TXLNB: variants seen among roughly 807,000 people sequenced by gnomAD.
TXLNB encodes beta-taxilin.
A neutral mutation model predicts 57.4 loss-of-function variants in TXLNB; 37 were observed. The ratio of observed to expected loss-of-function variants is 0.64; its 90% CI spans 0.50 to 0.85. The LOEUF (loss-of-function observed/expected upper bound fraction) is 0.85, where lower values mean the gene tolerates loss of function less well. TXLNB is among the 40% of genes least tolerant of loss of function. TXLNB has a pLI of 0.00. For missense variants in TXLNB, 848 were observed against 825.6 expected (o/e 1.03, Z -0.33); for synonymous variants, 302 against 309.6 (o/e 0.98, Z 0.26).
the TXLNB span, among the ~76,000 whole-genome samples, chr6:139,310,458 T>C: frequency 1.3e-5 from 2 of 152,218 alleles, no homozygotes; most frequent in East Asian, 3.8e-4. Flanking sequence ...CTATCTATCC[T>C]ACATACAAAT....
intron 1 of TXLNB, among the ~76,000 whole-genome samples, chr6:139,291,534 T>A (rs902328831): frequency 2.0e-5 from 3 of 152,138 alleles, no homozygotes; most frequent in African/African-American, 4.8e-5. Context: ...AACAGAACAG[T>A]CATTATAAAG....
Position 139,243,316 on chromosome 6 carries a change from T to C in TXLNB, c.1267-2A>G, listed in dbSNP as rs1447421379. The C allele has an allele frequency of 2.5e-5, 40 of 1,604,264 alleles. No homozygotes were observed. The highest frequency in any genetic ancestry group is 3.3e-5 in the Non-Finnish European group (39 of 1,177,794). ...ATATTCTTTAGCTCTCAGTGCTTTCTGTGATGTGAAAACACACGCACATAC... is the reference window on the plus strand; with the variant it reads ...ATATTCTTTAGCTCTCAGTGCTTTCCGTGATGTGAAAACACACGCACATAC... On this transcript the variant is annotated splice_acceptor_variant, in intron 9 of 9. Transcript: ENST00000358430. LOFTEE classifies it high-confidence loss of function.
Position 139,255,642 on chromosome 6 carries a change from T to G in TXLNB, c.1003-4A>C, listed in dbSNP as rs143946779. 112 of 1,611,778 alleles carry G rather than the reference T, an allele frequency of 6.9e-5. 1 individual carries two copies. The East Asian group carries it at 2.2e-3, about 32-fold the overall frequency. On this transcript the variant is annotated splice_region_variant and splice_polypyrimidine_tract_variant and intron_variant, in intron 6 of 9. Transcript: ENST00000358430. ...ACTCTGCTGCCTGGTTCAGCAACTA[T>G]GAGAAGAGAGAGTGTGTGGAAAGAT...
chr6:139,298,273 A>C, the TXLNB span, among the ~76,000 whole-genome samples: 4 of 152,224 alleles, frequency 2.6e-5, no homozygotes, highest in Non-Finnish European at 2.9e-5. Context: ...AAGTAGCCTT[A>C]TTACTCTTAC....
At chr6:139,246,914 CAA>C (rs368500125) in intron 8 of TXLNB, among the ~76,000 whole-genome samples, 9 of 111,598 alleles carry the variant, frequency 8.1e-5, no homozygotes, top group Non-Finnish European at 9.7e-5. Flanking sequence ...AATTCCATCT[CAA>C]AAAAAAAAAA....
chr6:139,316,497 T>C, the TXLNB span, among the ~76,000 whole-genome samples: 1 of 152,156 alleles, frequency 6.6e-6, no homozygotes, highest in Non-Finnish European at 1.5e-5. Flanking sequence ...CCCTATTTCT[T>C]AGCTATAAAT....
chr6:139,243,492 C>CTTTTTTTTT (rs1161954954), intron 9 of TXLNB, among the ~76,000 whole-genome samples, 178 bp from the exon 10 acceptor site: 2 of 128,098 alleles, frequency 1.6e-5, no homozygotes, highest in South Asian at 2.5e-4. Context: ...CATCACTTTC[C>CTTTTTTTTT]TTTTTTTTTT....
downstream of TXLNB, chr6:139,239,261 G>C (rs1775871821): frequency 6.6e-6 from 1 of 152,242 alleles, no homozygotes; most frequent in South Asian, 2.1e-4. This position sits in a 1 kb window ranked among gnomAD's most constrained non-coding sequence, Gnocchi z 4.7. Flanking sequence ...AGGAGGGCTG[G>C]AGAGAGGAAA....
chr6:139,221,138 G>T, the TXLNB span, among the ~76,000 whole-genome samples: 6 of 152,186 alleles, frequency 3.9e-5, no homozygotes, highest in Non-Finnish European at 8.8e-5. Flanking sequence ...TTTTCCCCTT[G>T]AACGCTCTTG....
chr6:139,185,747 G>A, the TXLNB span, among the ~76,000 whole-genome samples: 8 of 152,250 alleles, frequency 5.3e-5, no homozygotes, highest in South Asian at 1.4e-3. Flanking sequence ...TGGGTTAAGG[G>A]TGGTCTTTGG....
At chr6:139,317,964 T>C in the TXLNB span, among the ~76,000 whole-genome samples, 2 of 151,718 alleles carry the variant, frequency 1.3e-5, no homozygotes, top group East Asian at 3.9e-4. Context: ...AACAGCATAT[T>C]AGACAGTAAA....
chr6:139,233,713 TCTTTC>T, the TXLNB span, among the ~76,000 whole-genome samples: 1 of 152,210 alleles, frequency 6.6e-6, no homozygotes, highest in Non-Finnish European at 1.5e-5. Flanking sequence ...CAATTAAGCC[TCTTTC>T]CTTTATAAAT....
At chr6:139,209,843 C>A in the TXLNB span, among the ~76,000 whole-genome samples, 2 of 152,146 alleles carry the variant, frequency 1.3e-5, no homozygotes, top group South Asian at 2.1e-4. Flanking sequence ...AAAGCAAATG[C>A]AACAAAAACA....
the TXLNB span, chr6:139,234,256 T>G: frequency 2.0e-5 from 3 of 152,182 alleles, no homozygotes; most frequent in South Asian, 4.1e-4. Context: ...TCAAGCCTGC[T>G]AAAACACTCC....
chr6:139,231,348 G>A, the TXLNB span, among the ~76,000 whole-genome samples: 1 of 152,126 alleles, frequency 6.6e-6, no homozygotes, highest in Non-Finnish European at 1.5e-5. Flanking sequence ...CACTGGAAGT[G>A]GAAGGAGTCA....
At chr6:139,315,792 G>A in the TXLNB span, among the ~76,000 whole-genome samples, 1 of 152,170 alleles carries the variant, frequency 6.6e-6, no homozygotes, top group African/African-American at 2.4e-5. Context: ...TAAAATGTAT[G>A]TGGGCCAGCT....
chr6:139,194,230 C>T, the TXLNB span, among the ~76,000 whole-genome samples: 3 of 152,278 alleles, frequency 2.0e-5, no homozygotes, highest in Non-Finnish European at 2.9e-5. Flanking sequence ...CGTGAGCCAC[C>T]GCACCTAGCC....
chr6:139,244,276 A>C (rs1418137470), intron 9 of TXLNB, among the ~76,000 whole-genome samples: 1 of 152,230 alleles, frequency 6.6e-6, no homozygotes, highest in African/African-American at 2.4e-5. Flanking sequence ...GGGGAAATTT[A>C]AAGTAAAATA....
At chr6:139,168,305 T>A in the TXLNB span, among the ~76,000 whole-genome samples, 1 of 152,174 alleles carries the variant, frequency 6.6e-6, no homozygotes, top group Non-Finnish European at 1.5e-5. Flanking sequence ...TTTACTAATG[T>A]GAATATATAT....
Sources: gnomAD v4.1 joint callset for allele counts (sites outside exome capture counted in the v4.1 genomes callset) on GRCh38, gnomAD v4.1.1 for gene constraint, Gnocchi (gnomAD v3.1) non-coding constraint, MANE v1.5 for transcripts, NCBI Gene and HGNC (gene_info 2026-07-23, HGNC 2026-07-21) for gene names.